Variants in RBFOX3 observed in about 807,000 individuals in gnomAD.
The protein encoded by RBFOX3 is RNA binding protein fox-1 homolog 3.
Under a neutral mutation model 48.7 loss-of-function variants are expected in RBFOX3, and 17 were observed. The ratio of observed to expected loss-of-function variants is 0.35; its 90% confidence interval spans 0.24 to 0.52. RBFOX3 has a LOEUF of 0.52. Ranked by LOEUF, RBFOX3 falls within the 20% of genes least tolerant of loss-of-function variation. RBFOX3 has a pLI of 0.94. For missense variants in RBFOX3, 382 were observed against 497.5 expected (o/e 0.77, Z 2.21); for synonymous variants, 212 against 209.5 (o/e 1.01, Z -0.10).
chr17:79,378,336 C>G (rs2059469864), intron 2 of RBFOX3, among the ~76,000 whole-genome samples: 2 of 152,206 alleles, frequency 1.3e-5, no homozygotes. Flanking sequence ...CTTTCTGGAG[C>G]CTGGACTAGC....
rs1966092 is a variant in RBFOX3, at chr17:79,477,328, A to G, written c.-175+5126T>C. 0.17 allele frequency among the ~76,000 whole-genome samples: 25,535 copies of G among 148,720 alleles called. 3,255 individuals are homozygous for G. Among genetic ancestry groups the G allele is most frequent in the East Asian group, 0.73 (3,614 of 4,928 alleles). ...TCCCAGCACTTTGGGAGGCCAAGGC[A>G]GGTGGATCACGAGGTCAGGAGATCG... On this transcript the variant is annotated intron_variant, in intron 2 of 14. Transcript: ENST00000693108. This position sits in a 1 kb window ranked among gnomAD's most constrained non-coding sequence, Gnocchi z 4.8.
chr17:79,623,961 T>C, the RBFOX3 span, among the ~76,000 whole-genome samples: 1 of 151,956 alleles, frequency 6.6e-6, no homozygotes, highest in African/African-American at 2.4e-5. Context: ...AAGAGGGAGC[T>C]GGGAGCCAAG....
At chr17:79,600,445 G>GGGGTCCACTATCCTGACTTCCAAAC (rs1438103938) in intron 1 of RBFOX3, 1 of 152,214 alleles carries the variant, frequency 6.6e-6, no homozygotes, top group African/African-American at 2.4e-5. Context: ...CTTGCAGGTG[G>GGGGTCCACTATCCTGACTTCCAAAC]GGGTCCACTA....
rs2062731507 is a variant in RBFOX3 at position 79,243,711 on chromosome 17, C to A, written c.-73-7906G>T. ...CCTTGACAACACCCAAGCTGTGCCA[C>A]AGACACCATAGTGTATCCTCCACCT... is the stretch of plus-strand genomic sequence containing the variant. On this transcript the variant is annotated intron_variant, in intron 3 of 14. Coordinates refer to ENST00000693108, the MANE Select transcript of RBFOX3 (RefSeq NM_001350451.2). This position sits in a 1 kb window ranked among gnomAD's most constrained non-coding sequence, Gnocchi z 7.9. 6.6e-6 allele frequency among the ~76,000 whole-genome samples: 1 copy of A among 152,136 alleles called. No homozygotes were observed. The highest frequency in any genetic ancestry group is 1.5e-5 in the Non-Finnish European group (1 of 68,024).
At position 79,299,600 on chromosome 17, in the gene RBFOX3, A is replaced by C. The variant is rs1442805590; in HGVS notation, c.-74+8124T>G. 6.6e-6 allele frequency among the ~76,000 whole-genome samples: 1 copy of C among 152,174 alleles called. No individual in the cohort carries two copies. Among genetic ancestry groups the C allele is most frequent in the East Asian group, 1.9e-4 (1 of 5,182 alleles). On this transcript the variant is annotated intron_variant, in intron 3 of 14. Coordinates refer to ENST00000693108, the MANE Select transcript of RBFOX3 (RefSeq NM_001350451.2). This position sits in a 1 kb window ranked among gnomAD's most constrained non-coding sequence, Gnocchi z 4.5. ...GCCATTTCCTACCAGGGGTTTGAGCATCGTCAGATCGTGGGGTTTTTGGAA... is the reference window on the plus strand; with the variant it reads ...GCCATTTCCTACCAGGGGTTTGAGCCTCGTCAGATCGTGGGGTTTTTGGAA...
the RBFOX3 span, among the ~76,000 whole-genome samples, chr17:79,655,892 C>T: frequency 2.6e-5 from 4 of 152,140 alleles, no homozygotes; most frequent in African/African-American, 7.2e-5. Flanking sequence ...TCCCACTGCC[C>T]GACCCGCCTG....
At chr17:79,155,852 G>A (rs2045667062) in intron 4 of RBFOX3, among the ~76,000 whole-genome samples, 1 of 152,194 alleles carries the variant, frequency 6.6e-6, no homozygotes, top group African/African-American at 2.4e-5. Flanking sequence ...TGGTGGCTGG[G>A]GGTAGAGCTG....
intron 1 of RBFOX3, among the ~76,000 whole-genome samples, chr17:79,593,011 A>G (rs2145144174): frequency 6.6e-6 from 1 of 151,962 alleles, no homozygotes; most frequent in African/African-American, 2.4e-5. Flanking sequence ...CCGGGTGAAA[A>G]GCCTGAGTGC....
intron 4 of RBFOX3, among the ~76,000 whole-genome samples, chr17:79,215,106 C>T (rs2058853768): frequency 6.6e-6 from 1 of 152,192 alleles, no homozygotes. Flanking sequence ...GTTCACACAC[C>T]CCAGGCCATC....
intron 1 of RBFOX3, among the ~76,000 whole-genome samples, chr17:79,563,566 GC>G (rs1284596249): frequency 6.6e-6 from 1 of 152,218 alleles, no homozygotes; most frequent in African/African-American, 2.4e-5. Flanking sequence ...TTAAGTCTTT[GC>G]TAACAATCTG....
chr17:79,447,427 T>C (rs149857301), intron 2 of RBFOX3, among the ~76,000 whole-genome samples: 1 of 152,326 alleles, frequency 6.6e-6, no homozygotes, highest in East Asian at 1.9e-4. Flanking sequence ...CGGCTTCATC[T>C]GGAAGGTTGT....
At position 79,234,721 on chromosome 17, in the gene RBFOX3, C is replaced by CTTTT. The variant is rs71161654; in HGVS notation, c.-34+1041_-34+1044dup. ...TTGGGTTTATTGGGGGCATTAAGTG[C>CTTTT]TTTTTTTTTTTTTTTTTTTTTTTTT... On this transcript the variant is annotated intron_variant, in intron 4 of 14. Coordinates refer to ENST00000693108, the MANE Select transcript of RBFOX3 (RefSeq NM_001350451.2). 125 of 61,832 alleles carry CTTTT rather than the reference C, an allele frequency of 2.0e-3. 27 individuals carry two copies. Among genetic ancestry groups the CTTTT allele is most frequent in the African/African-American group, 7.8e-3 (98 of 12,592 alleles). The allele number at this position is 61,832 out of a possible 1,614,324, so 3.8% of individuals were successfully genotyped here. A position where few individuals can be genotyped will look rare whatever the true frequency, so the allele number is the denominator to read the frequency against.
At chr17:79,096,620 T>TA in intron 12 of RBFOX3, 33 bp downstream of exon 12, 2 of 1,502,346 alleles carry the variant, frequency 1.3e-6, no homozygotes, top group Non-Finnish European at 1.8e-6. Flanking sequence ...GAACGCCTGA[T>TA]CCCACCCTCC....
chr17:79,620,250 CACAT>C, the RBFOX3 span, among the ~76,000 whole-genome samples: 2 of 151,420 alleles, frequency 1.3e-5, no homozygotes, highest in African/African-American at 4.9e-5. Flanking sequence ...CACACATACG[CACAT>C]GCACACACAC....
chr17:79,450,114 T>C (rs553134703), intron 2 of RBFOX3, among the ~76,000 whole-genome samples: 6 of 152,272 alleles, frequency 3.9e-5, no homozygotes, highest in South Asian at 4.1e-4. Flanking sequence ...ACACGCATGA[T>C]GAAACAGAAG....
rs569298913 is a variant in RBFOX3 at position 79,153,249 on chromosome 17, G to C, written c.-33-37501C>G. On this transcript the variant is annotated intron_variant, in intron 4 of 14. Coordinates refer to ENST00000693108, the MANE Select transcript of RBFOX3 (RefSeq NM_001350451.2). ...GACACAGCAGGCAACGACCACCTGTGATCACCCCATTTCCCTGCACCCTGT... is the reference window on the plus strand; with the variant it reads ...GACACAGCAGGCAACGACCACCTGTCATCACCCCATTTCCCTGCACCCTGT... Among the ~76,000 whole-genome samples the C allele has an allele frequency of 1.5e-4, 23 of 152,326 alleles. No homozygotes were observed. The East Asian group carries it at 4.4e-3, about 29-fold the overall frequency.
intron 2 of RBFOX3, among the ~76,000 whole-genome samples, chr17:79,317,068 C>T (rs752646797): frequency 3.9e-5 from 6 of 152,182 alleles, no homozygotes; most frequent in Admixed American, 1.3e-4. Context: ...CCATGAAGAC[C>T]GACAAGGAGC....
At position 79,103,813 on chromosome 17, in the gene RBFOX3, G is replaced by A. The variant is rs773603813; in HGVS notation, c.414+260C>T. On this transcript the variant is annotated intron_variant, in intron 7 of 14. Coordinates refer to ENST00000693108, the MANE Select transcript of RBFOX3 (RefSeq NM_001350451.2). This position sits in a 1 kb window ranked among gnomAD's most constrained non-coding sequence, Gnocchi z 6.1. Reference sequence around the variant, plus strand: ...TAAGTGTTCAGTGGGGGTGGGGCCCGGACCTGGGGCCCAGGGCTCTGGGGT... The same window carrying A: ...TAAGTGTTCAGTGGGGGTGGGGCCCAGACCTGGGGCCCAGGGCTCTGGGGT... Among the ~76,000 whole-genome samples, 3 of 151,942 alleles carry A rather than the reference G, an allele frequency of 2.0e-5. No homozygotes were observed. The highest frequency in any genetic ancestry group is 2.9e-5 in the Non-Finnish European group (2 of 67,984).
At chr17:79,501,167 A>C (rs1416585981) in intron 1 of RBFOX3, among the ~76,000 whole-genome samples, 2 of 152,170 alleles carry the variant, frequency 1.3e-5, no homozygotes, top group African/African-American at 4.8e-5. Context: ...ATTGGGTCAA[A>C]CCCGAAAGCT....
Sources: allele counts gnomAD v4.1 joint callset (sites outside exome capture counted in the v4.1 genomes callset), GRCh38; gene constraint gnomAD v4.1.1; non-coding constraint Gnocchi (gnomAD v3.1); transcripts MANE v1.5; gene names NCBI Gene and HGNC (gene_info 2026-07-23, HGNC 2026-07-21).